CNTNAP5: variants seen among roughly 807,000 people sequenced by gnomAD.
CNTNAP5 encodes contactin associated protein family member 5, also known as contactin-associated protein-like 5.
A neutral mutation model predicts 150.2 loss-of-function variants in CNTNAP5; 72 were observed. That is an observed-to-expected ratio of 0.48 (90% CI 0.40 to 0.58). The LOEUF is 0.58. Among genes scored for constraint, CNTNAP5 ranks in the 20% least tolerant of loss-of-function variants. The pLI is 0.00. For missense variants in CNTNAP5, 1,636 were observed against 1,626.2 expected (o/e 1.01, Z -0.10); for synonymous variants, 672 against 619.8 (o/e 1.08, Z -1.25).
intron 3 of CNTNAP5, among the ~76,000 whole-genome samples, chr2:124,342,984 A>AAAG (rs1437862099): frequency 6.6e-6 from 1 of 152,176 alleles, no homozygotes; most frequent in African/African-American, 2.4e-5. Context: ...TGTACTTGTC[A>AAAG]AAGTTCTTTT....
chr2:124,151,408 G>A (rs923699843), intron 1 of CNTNAP5, among the ~76,000 whole-genome samples: 4 of 152,120 alleles, frequency 2.6e-5, no homozygotes, highest in Non-Finnish European at 4.4e-5. Flanking sequence ...TCAGGACTTG[G>A]TAAGTGCTGC....
chr2:124,588,657 T>C (rs1489168712), intron 11 of CNTNAP5, among the ~76,000 whole-genome samples: 1 of 152,178 alleles, frequency 6.6e-6, no homozygotes. Flanking sequence ...TCTCATAGAT[T>C]AATGTATCAG....
At chr2:124,288,569 T>A (rs1475257221) in intron 3 of CNTNAP5, among the ~76,000 whole-genome samples, 1 of 152,202 alleles carries the variant, frequency 6.6e-6, no homozygotes, top group Admixed American at 6.5e-5. Context: ...TGATAAATAC[T>A]TTTATTTTGA....
At chr2:124,441,622 A>G (rs1400750797) in intron 5 of CNTNAP5, among the ~76,000 whole-genome samples, 1 of 152,184 alleles carries the variant, frequency 6.6e-6, no homozygotes, top group South Asian at 2.1e-4. Context: ...TATTTTATAA[A>G]TATCATTTTG....
intron 3 of CNTNAP5, among the ~76,000 whole-genome samples, chr2:124,258,307 C>G (rs576957922): frequency 1.3e-5 from 2 of 152,132 alleles, no homozygotes; most frequent in Non-Finnish European, 2.9e-5. Context: ...CTAGAATATG[C>G]TCTTTGTACA....
chr2:124,736,789 T>TG, intron 13 of CNTNAP5, among the ~76,000 whole-genome samples: 3 of 152,326 alleles, frequency 2.0e-5, no homozygotes, highest in Middle Eastern at 6.8e-3. Flanking sequence ...AAAATCTTTC[T>TG]GGGTTGTTTC....
intron 16 of CNTNAP5, among the ~76,000 whole-genome samples, chr2:124,768,158 G>T (rs1369696469): frequency 6.6e-6 from 1 of 152,086 alleles, no homozygotes; most frequent in Non-Finnish European, 1.5e-5. Context: ...AATCAATGAG[G>T]ATTCTTCTAA....
chr2:124,147,969 G>A (rs2043886), intron 1 of CNTNAP5, among the ~76,000 whole-genome samples: 45,338 of 152,086 alleles, frequency 0.3, 7,338 homozygotes, highest in Admixed American at 0.38. Flanking sequence ...GCTGATTCAT[G>A]TGGGAGGTTT....
chr2:124,230,105 A>G (rs1215088533), intron 2 of CNTNAP5, among the ~76,000 whole-genome samples: 1 of 152,094 alleles, frequency 6.6e-6, no homozygotes, highest in East Asian at 1.9e-4. Context: ...TGGATGGATA[A>G]AAAGATTTAA....
chr2:124,636,200 G>T (rs970399929), intron 12 of CNTNAP5, among the ~76,000 whole-genome samples: 1 of 152,158 alleles, frequency 6.6e-6, no homozygotes, highest in African/African-American at 2.4e-5. Context: ...ATTTGACTTA[G>T]TTGAGTTACC....
At chr2:124,540,311 A>G (rs1187847264) in intron 10 of CNTNAP5, among the ~76,000 whole-genome samples, 6 of 152,192 alleles carry the variant, frequency 3.9e-5, no homozygotes, top group Non-Finnish European at 7.3e-5. Context: ...TGATCAAATC[A>G]TTGTATTGAG....
intron 1 of CNTNAP5, among the ~76,000 whole-genome samples, chr2:124,195,479 C>T (rs1685560493): frequency 6.6e-6 from 1 of 152,164 alleles, no homozygotes; most frequent in Non-Finnish European, 1.5e-5. Context: ...GCCCCATAGA[C>T]ATGATGCAAA....
intron 1 of CNTNAP5, among the ~76,000 whole-genome samples, chr2:124,186,644 G>A (rs1685339664): frequency 6.6e-6 from 1 of 152,140 alleles, no homozygotes; most frequent in African/African-American, 2.4e-5. Flanking sequence ...GGGCGGAGAT[G>A]TCTCCATGCT....
At chr2:124,027,995 T>C (rs1558729611) in intron 1 of CNTNAP5, among the ~76,000 whole-genome samples, 1 of 152,206 alleles carries the variant, frequency 6.6e-6, no homozygotes, top group Non-Finnish European at 1.5e-5. Context: ...AATATAGGAC[T>C]TGGGTTTATT....
intron 11 of CNTNAP5, among the ~76,000 whole-genome samples, chr2:124,575,535 A>G (rs982587572): frequency 4.6e-5 from 7 of 152,040 alleles, no homozygotes; most frequent in Non-Finnish European, 1.0e-4. Context: ...CGTTTTTCTT[A>G]TCTTTCCAGT....
At position 124,142,472 on chromosome 2, in the gene CNTNAP5, A is replaced by G. The variant is rs1329983728; in HGVS notation, c.83-79233A>G. On this transcript the variant is annotated intron_variant, in intron 1 of 23. Transcript: ENST00000682447. The stretch of plus-strand genomic sequence containing the variant: ...CCACAGTGCAATCAAACTAGAACTC[A>G]GGATTAAGAATCTCACTCAAAGCCG... 1.8e-3 allele frequency among the ~76,000 whole-genome samples: 269 copies of G among 150,506 alleles called. 2 individuals are homozygous for G. The highest frequency in any genetic ancestry group is 6.9e-3 in the Middle Eastern group (2 of 290).
In CNTNAP5 at chr2:124,169,233, T is replaced by C. The variant is rs146838240; in HGVS notation, c.83-52472T>C. 5.2e-3 allele frequency among the ~76,000 whole-genome samples: 791 copies of C among 152,202 alleles called. 5 individuals carry two copies. Among genetic ancestry groups the C allele is most frequent in the African/African-American group, 0.018 (734 of 41,530 alleles). On this transcript the variant is annotated intron_variant, in intron 1 of 23. Transcript: ENST00000682447. ...CTGCTTTTTCTTTTCATATCTCTTG[T>C]GGTGGCATTGGGGTTCTTATTGGCC...
chr2:124,498,643 C>T (rs1455227962), intron 7 of CNTNAP5, among the ~76,000 whole-genome samples: 1 of 152,116 alleles, frequency 6.6e-6, no homozygotes, highest in Non-Finnish European at 1.5e-5. Context: ...ATCTTTTGCT[C>T]ACTTACTTTT....
chr2:124,885,418 C>A (rs1476714279), intron 21 of CNTNAP5, among the ~76,000 whole-genome samples: 1 of 151,906 alleles, frequency 6.6e-6, no homozygotes, highest in African/African-American at 2.4e-5. Flanking sequence ...CATTATAATA[C>A]CCTCTCTTTA....
Sources: gnomAD v4.1 joint callset for allele counts (sites outside exome capture counted in the v4.1 genomes callset) on GRCh38, gnomAD v4.1.1 for gene constraint, MANE v1.5 for transcripts, NCBI Gene and HGNC (gene_info 2026-07-23, HGNC 2026-07-21) for gene names.